FAM184B: variants seen among roughly 807,000 people sequenced by gnomAD.
FAM184B encodes the protein protein FAM184B.
In FAM184B, 111 loss-of-function variants were observed where a neutral mutation model predicts 135.9. That is an observed-to-expected ratio of 0.82 (90% CI 0.70 to 0.96). FAM184B has a LOEUF of 0.96. Among genes scored for constraint, FAM184B ranks in the 40% least tolerant of loss-of-function variants. FAM184B has a pLI of 0.00. For missense variants in FAM184B, 1,375 were observed against 1,323.9 expected, an observed-to-expected ratio of 1.04 and a Z score of -0.60; for synonymous variants, 552 against 524.8, an observed-to-expected ratio of 1.05 and a Z score of -0.71.
At chr4:17,661,361 G>A (rs1057207426) in intron 8 of FAM184B, among the ~76,000 whole-genome samples, 2 of 152,082 alleles carry the variant, frequency 1.3e-5, no homozygotes, top group Admixed American at 1.3e-4. Flanking sequence ...GACCAGCCTG[G>A]CCAACATGGT....
chr4:17,729,397 G>A (rs1717719683), intron 1 of FAM184B, among the ~76,000 whole-genome samples: 1 of 152,218 alleles, frequency 6.6e-6, no homozygotes, highest in Non-Finnish European at 1.5e-5. Context: ...TTTGAAGAGA[G>A]TAGTGGTTCT....
chr4:17,710,259 G>T (rs145769523), intron 1 of FAM184B, among the ~76,000 whole-genome samples: 2 of 152,108 alleles, frequency 1.3e-5, no homozygotes, highest in Non-Finnish European at 2.9e-5. Context: ...AGGAGGCGGA[G>T]GTTGCAGCGA....
At chr4:17,758,750 CACA>C (rs779443625) in intron 1 of FAM184B, among the ~76,000 whole-genome samples, 8 of 152,180 alleles carry the variant, frequency 5.3e-5, no homozygotes, top group African/African-American at 9.7e-5. Context: ...GCTCAGGGAT[CACA>C]ACAACAATAT....
At chr4:17,660,314 G>T (rs756112114) in intron 8 of FAM184B, among the ~76,000 whole-genome samples, 7 of 151,930 alleles carry the variant, frequency 4.6e-5, no homozygotes, top group Non-Finnish European at 8.8e-5. Context: ...AGCAGGAACC[G>T]CCTGATAGCT....
intron 7 of FAM184B, among the ~76,000 whole-genome samples, chr4:17,674,442 A>C (rs184328613): frequency 6.6e-6 from 1 of 152,312 alleles, no homozygotes; most frequent in East Asian, 1.9e-4. Flanking sequence ...CCTTCAGTGT[A>C]TTGTAATCTT....
chr4:17,635,530 C>G (rs916103776), intron 15 of FAM184B, among the ~76,000 whole-genome samples: 6 of 152,078 alleles, frequency 3.9e-5, no homozygotes, highest in African/African-American at 1.4e-4. Context: ...CCCACTTTAC[C>G]TATAATAACT....
chr4:17,643,431 G>A (rs1037618842), intron 12 of FAM184B, among the ~76,000 whole-genome samples: 1 of 152,082 alleles, frequency 6.6e-6, no homozygotes, highest in Non-Finnish European at 1.5e-5. Flanking sequence ...AAAGGTGAGG[G>A]CTGGTGCATG....
chr4:17,687,917 T>C (rs76329179), intron 7 of FAM184B, among the ~76,000 whole-genome samples: 92 of 152,240 alleles, frequency 6.0e-4, no homozygotes, highest in Non-Finnish European at 1.2e-3. Flanking sequence ...ATGGTGATCC[T>C]AGAGAACAAT....
In FAM184B at chr4:17,637,107, A is replaced by G. The variant is rs373732347; in HGVS notation, c.2667-462T>C. On this transcript the variant is annotated intron_variant, in intron 14 of 17. Transcript: ENST00000265018. ...AATGGCGCGGTCTCGGCTCTCTGCA[A>G]CCTCCGCCTCCCTGGTTCAAGCGAT... 1.0e-3 allele frequency among the ~76,000 whole-genome samples: 159 copies of G among 151,706 alleles called. 1 individual carries two copies. In the East Asian group the frequency reaches 0.019, roughly 18 times the overall value.
intron 9 of FAM184B, 111 bp downstream of exon 9, chr4:17,659,847 A>C: frequency 7.2e-7 from 1 of 1,393,530 alleles, no homozygotes; most frequent in Non-Finnish European, 9.7e-7. Context: ...CTGGTCCTGT[A>C]ATGCCTTCCC....
chr4:17,743,325 G>A (rs908411625), intron 1 of FAM184B, among the ~76,000 whole-genome samples: 6 of 152,180 alleles, frequency 3.9e-5, no homozygotes, highest in Admixed American at 1.3e-4. Flanking sequence ...GTCAGCCACC[G>A]AAGAATTTAG....
At chr4:17,746,729 C>T (rs945320048) in intron 1 of FAM184B, among the ~76,000 whole-genome samples, 2 of 133,816 alleles carry the variant, frequency 1.5e-5, no homozygotes, top group Non-Finnish European at 1.5e-5. Flanking sequence ...GAGACACGGT[C>T]TCAAAAAAAA....
chr4:17,773,695 A>G (rs1278390777), intron 1 of FAM184B, among the ~76,000 whole-genome samples: 2 of 152,150 alleles, frequency 1.3e-5, no homozygotes, highest in Non-Finnish European at 2.9e-5. Flanking sequence ...CTCCTGCCTC[A>G]GCCTCCTGAG....
intron 7 of FAM184B, among the ~76,000 whole-genome samples, chr4:17,685,276 C>A (rs1031209479): frequency 1.3e-5 from 2 of 149,040 alleles, no homozygotes; most frequent in Admixed American, 6.8e-5. Flanking sequence ...GAGGGCTGGG[C>A]AGGTTGGCTC....
intron 1 of FAM184B, among the ~76,000 whole-genome samples, chr4:17,731,591 A>G (rs1323689486): frequency 6.6e-6 from 1 of 152,264 alleles, no homozygotes; most frequent in African/African-American, 2.4e-5. Flanking sequence ...AGGCCATTAC[A>G]TAATGGTAAA....
intron 13 of FAM184B, among the ~76,000 whole-genome samples, chr4:17,639,921 CG>C (rs779367801): frequency 1.3e-5 from 2 of 151,668 alleles, no homozygotes; most frequent in Admixed American, 6.6e-5. Context: ...CTTCACCTCC[CG>C]GGTTCAAGCA....
chr4:17,696,329 G>A (rs11726112), intron 5 of FAM184B, among the ~76,000 whole-genome samples: 16 of 152,188 alleles, frequency 1.1e-4, no homozygotes, highest in Non-Finnish European at 1.8e-4. Flanking sequence ...ATGCTTGACT[G>A]TGTGAGTACA....
chr4:17,688,679 C>CA, intron 6 of FAM184B, 148 bp from the exon 7 acceptor site: 1 of 210,768 alleles, frequency 4.7e-6, no homozygotes, highest in Non-Finnish European at 8.8e-6. Flanking sequence ...TCTAGAAATG[C>CA]CTTTTTTTTT....
intron 11 of FAM184B, among the ~76,000 whole-genome samples, chr4:17,652,146 T>G (rs74914888): frequency 6.0e-4 from 79 of 131,858 alleles, no homozygotes; most frequent in African/African-American, 6.4e-4. Context: ...TTTTTTTTTT[T>G]TTGAGTCTTG....
Sources: gnomAD v4.1 joint callset for allele counts (sites outside exome capture counted in the v4.1 genomes callset) on GRCh38, gnomAD v4.1.1 for gene constraint, MANE v1.5 for transcripts, NCBI Gene and HGNC (gene_info 2026-07-23, HGNC 2026-07-21) for gene names.